The following ERFL variants were observed in gnomAD, a reference collection of about 807,000 sequenced individuals.
ERFL encodes the protein ETS domain-containing transcription factor ERF-like.
Under a neutral mutation model 27.9 loss-of-function variants are expected in ERFL, and 8 were observed. That is an observed-to-expected ratio of 0.29 (90% CI 0.17 to 0.52). The LOEUF (loss-of-function observed/expected upper bound fraction) is 0.52, where lower values mean the gene tolerates loss of function less well. ERFL is among the 20% of genes least tolerant of loss of function. The pLI is 0.97. For missense variants in ERFL, 294 were observed against 444.4 expected, an observed-to-expected ratio of 0.66 and a Z score of 3.04; for synonymous variants, 174 against 202.8, an observed-to-expected ratio of 0.86 and a Z score of 1.21.
chr19:41,912,293 CAG>C (rs1555851335), intron 2 of ERFL, among the ~76,000 whole-genome samples: 1 of 152,192 alleles, frequency 6.6e-6, no homozygotes, highest in East Asian at 1.9e-4. Flanking sequence ...TAACCAAGGA[CAG>C]AGTCTCTGTC....
At position 41,917,668 on chromosome 19, in the gene ERFL, C is replaced by T. The variant is rs1415045732; in HGVS notation, c.-13-4736G>A. Reference sequence around the variant, plus strand: ...CACACGCACGCACGCACACACACACCCTGACTGCACCCACCCATGGCCACA... The same window carrying T: ...CACACGCACGCACGCACACACACACTCTGACTGCACCCACCCATGGCCACA... On this transcript the variant is annotated intron_variant, in intron 1 of 5. Transcript: ENST00000597630. The surrounding 1 kb of genome is among the most constrained non-coding windows in gnomAD (Gnocchi z 4.8). Among the ~76,000 whole-genome samples, 4 of 151,854 alleles carry T rather than the reference C, an allele frequency of 2.6e-5. No homozygotes were observed. The highest frequency in any genetic ancestry group is 4.4e-5 in the Non-Finnish European group (3 of 67,954).
rs2074841452 is a variant in ERFL at position 41,921,368 on chromosome 19, G to A, written c.-14+6672C>T. 6.6e-6 allele frequency among the ~76,000 whole-genome samples: 1 copy of A among 152,154 alleles called. No individual in the cohort carries two copies. Among genetic ancestry groups the A allele is most frequent in the Non-Finnish European group, 1.5e-5 (1 of 68,016 alleles). ...TGAGACACGGAGGGAGATGGAGGGG[G>A]ATAGGCGGGACATGGGGAACCCCAC... is the stretch of plus-strand genomic sequence containing the variant. On this transcript the variant is annotated intron_variant, in intron 1 of 5. Transcript: ENST00000597630. This position sits in a 1 kb window ranked among gnomAD's most constrained non-coding sequence, Gnocchi z 4.4.
At chr19:41,915,856 C>T (rs1455375965) in intron 1 of ERFL, among the ~76,000 whole-genome samples, 2 of 152,216 alleles carry the variant, frequency 1.3e-5, no homozygotes, top group Non-Finnish European at 1.5e-5. Flanking sequence ...CAAACAGGGC[C>T]TGGCAGGACG....
intron 1 of ERFL, chr19:41,923,057 C>T (rs961158912): frequency 2.3e-6 from 1 of 431,968 alleles, no homozygotes; most frequent in Non-Finnish European, 4.7e-6. Context: ...GGAAGTTCAG[C>T]GCCCCCTCTG....
chr19:41,926,495 G>A (rs2074871103), intron 1 of ERFL, among the ~76,000 whole-genome samples: 1 of 152,124 alleles, frequency 6.6e-6, no homozygotes, highest in South Asian at 2.1e-4. Flanking sequence ...GTGTGACTCT[G>A]CCAGATGGTC....
chr19:41,924,967 G>A (rs2074862918), intron 1 of ERFL, among the ~76,000 whole-genome samples: 1 of 152,150 alleles, frequency 6.6e-6, no homozygotes, highest in Non-Finnish European at 1.5e-5. Flanking sequence ...TGTGCAGTGG[G>A]TTCCCAATGC....
Position 41,908,710 on chromosome 19 carries a change from C to T in ERFL, c.617-34G>A. On this transcript the variant is annotated intron_variant, in intron 5 of 5. Coordinates refer to ENST00000597630, the MANE Select transcript of ERFL (RefSeq NM_001365103.2). This position sits in a 1 kb window ranked among gnomAD's most constrained non-coding sequence, Gnocchi z 6.7. ...CACAGGGGTAGGTCAGGCTGGGGCA[C>T]CTGCCTGCCTGGGGACCAGTAAAGG... 8.6e-7 allele frequency: 1 copy of T among 1,161,680 alleles called. No homozygotes were observed. The highest frequency in any genetic ancestry group is 3.2e-5 in the East Asian group (1 of 31,416). The allele number at this position is 1,161,680 out of a possible 1,614,324, so 72.0% of individuals were successfully genotyped here. A position where few individuals can be genotyped will look rare whatever the true frequency, so the allele number is the denominator to read the frequency against.
In ERFL at chr19:41,908,619, G is replaced by A. The variant is rs2074733286; in HGVS notation, c.674C>T (p.Pro225Leu). ...GLLGPYGRAFPEYPWNFNPYL... is the reference protein window; with the variant it reads ...GLLGPYGRAFLEYPWNFNPYL... The stretch of plus-strand genomic sequence containing the variant: ...CGGGTTAAAGTTCCAGGGGTACTCA[G>A]GGAAGGCGCGGCCATAAGGACCCAG... Residue 225 changes from proline to leucine, a missense_variant, in exon 6 of 6, where the codon CCT (proline) becomes CTT (leucine). This residue lies in a region of ERFL where 246 missense variants were observed against 371.4 expected (regional missense o/e 0.66). Coordinates refer to ENST00000597630, the MANE Select transcript of ERFL (RefSeq NM_001365103.2). This position sits in a 1 kb window ranked among gnomAD's most constrained non-coding sequence, Gnocchi z 6.7. 1 of 1,231,618 alleles carries A rather than the reference G, an allele frequency of 8.1e-7. No homozygotes were observed. Among genetic ancestry groups the A allele is most frequent in the South Asian group, 4.1e-5 (1 of 24,320 alleles). 76.3% of individuals were successfully genotyped at this position (1,231,618 alleles called of 1,614,324 possible).
chr19:41,923,065 C>G (rs1555852765), intron 1 of ERFL: 1 of 444,384 alleles, frequency 2.3e-6, no homozygotes, highest in African/African-American at 2.0e-5. Context: ...AGCGCCCCCT[C>G]TGACCCAGGC....
chr19:41,920,576 G>C (rs558165653), intron 1 of ERFL, among the ~76,000 whole-genome samples: 2 of 151,586 alleles, frequency 1.3e-5, no homozygotes, highest in South Asian at 4.2e-4. Context: ...ACTCACAGAC[G>C]TGATGCACTC....
In ERFL at chr19:41,908,341, C is replaced by T. The variant is rs926245684; in HGVS notation, c.952G>A (p.Asp318Asn). ...ACGTCGGTGATCTCCAGCTCCGAGT[C>T]GCTGTCCTCCTTCCCACCAAGGGCA... is the stretch of plus-strand genomic sequence containing the variant. ...EAALGGKEDS[D>N]SELEITDVSG... The change falls in exon 6 of 6, where the codon GAC becomes AAC. Residue 318 changes from aspartate (D) to asparagine (N), a missense_variant. Physicochemically the swap from Asp to Asn is conservative, Grantham distance 23. Coordinates refer to ENST00000597630, the MANE Select transcript of ERFL (RefSeq NM_001365103.2). The surrounding 1 kb of genome is among the most constrained non-coding windows in gnomAD (Gnocchi z 6.7). 9.7e-6 allele frequency: 12 copies of T among 1,231,384 alleles called. No individual in the cohort carries two copies. In the Admixed American group the frequency reaches 3.0e-4, roughly 30 times the overall value. 76.3% of individuals were successfully genotyped at this position (1,231,384 alleles called of 1,614,324 possible). A position where few individuals can be genotyped will look rare whatever the true frequency, so the allele number is the denominator to read the frequency against.
chr19:41,918,913 C>T (rs923533880), intron 1 of ERFL, among the ~76,000 whole-genome samples: 4 of 150,770 alleles, frequency 2.7e-5, no homozygotes, highest in Admixed American at 2.0e-4. Context: ...CACACATACA[C>T]CACACACACA....
intron 1 of ERFL, among the ~76,000 whole-genome samples, chr19:41,918,602 C>T (rs373404631): frequency 6.7e-6 from 1 of 148,636 alleles, no homozygotes; most frequent in African/African-American, 2.5e-5. Flanking sequence ...CTACCCATCA[C>T]AGACAAACCA....
rs932487533 is a variant in ERFL at position 41,917,360 on chromosome 19, C to G, written c.-13-4428G>C. ...TGTCTCCTAACGCCCCATCACCACG[C>G]CCCCCTGGGCTGGGGTTTAACCAGT... On this transcript the variant is annotated intron_variant, in intron 1 of 5. Transcript: ENST00000597630. This position sits in a 1 kb window ranked among gnomAD's most constrained non-coding sequence, Gnocchi z 4.8. 6.6e-6 allele frequency among the ~76,000 whole-genome samples: 1 copy of G among 151,950 alleles called. No individual in the cohort carries two copies. The highest frequency in any genetic ancestry group is 6.6e-5 in the Admixed American group (1 of 15,258).
chr19:41,909,129 G>A lies in ERFL; in HGVS notation c.547C>T (p.Arg183Trp), dbSNP rs1555851051. 13 of 1,231,740 alleles carry A rather than the reference G, an allele frequency of 1.1e-5. No homozygotes were observed. The highest frequency in any genetic ancestry group is 8.2e-5 in the South Asian group (2 of 24,316). The allele number at this position is 1,231,740 out of a possible 1,614,324, so 76.3% of individuals were successfully genotyped here. A position where few individuals can be genotyped will look rare whatever the true frequency, so the allele number is the denominator to read the frequency against. Residue 183 changes from arginine (R) to tryptophan (W), a missense_variant, in exon 5 of 6, where the codon CGG (arginine) becomes TGG (tryptophan). By Grantham distance (101) the Arg-to-Trp change is moderately radical (BLOSUM62 -3). Transcript: ENST00000597630. This position sits in a 1 kb window ranked among gnomAD's most constrained non-coding sequence, Gnocchi z 5.2. ...SAPRLGEPGA[R>W]TPLFTSETDK... is the part of the protein sequence containing the mutation. ...GTCTCGGAGGTGAACAGGGGTGTCC[G>A]GGCCCCTGGCTCTCCCAGGCGTGGG... is the stretch of plus-strand genomic sequence containing the variant.
At chr19:41,919,512 T>TACACAC (rs60525805) in intron 1 of ERFL, among the ~76,000 whole-genome samples, 4,304 of 146,556 alleles carry the variant, frequency 0.029, 211 homozygotes, top group African/African-American at 0.095. Flanking sequence ...CGTGCACGCG[T>TACACAC]ACACACACAC....
rs1555851083 is a variant in ERFL, at chr19:41,909,462, G to T, written c.312C>A (p.Tyr104Ter). The T allele has an allele frequency of 1.6e-6, 2 of 1,242,070 alleles. No homozygotes were observed. The highest frequency in any genetic ancestry group is 2.0e-6 in the Non-Finnish European group (2 of 993,518). The allele number at this position is 1,242,070 out of a possible 1,614,324, so 76.9% of individuals were successfully genotyped here. A position where few individuals can be genotyped will look rare whatever the true frequency, so the allele number is the denominator to read the frequency against. The part of the protein sequence containing the change: ...DKLSRALRYY[Y>*]NKRILHKTKG... ...TGGTCTTGTGGAGAATCCGCTTGTTGTAGTAGTAACTGTGGGGAGAGTGGT... is the reference window on the plus strand; with the variant it reads ...TGGTCTTGTGGAGAATCCGCTTGTTTTAGTAGTAACTGTGGGGAGAGTGGT... Residue 104 changes from tyrosine (Y) to a stop codon, truncating the protein, a stop_gained, in exon 4 of 6, where the codon TAC becomes TAA. Transcript: ENST00000597630. LOFTEE classifies it high-confidence loss of function. The surrounding 1 kb of genome is among the most constrained non-coding windows in gnomAD (Gnocchi z 5.2).
chr19:41,907,959 A>C lies in ERFL; in HGVS notation c.*269T>G. ...GGGCGGGCGGGGCAGGCTGGGCGCC[A>C]TATTGCACTTTGGGAGTGGGGCCAG... On this transcript the variant is annotated 3_prime_UTR_variant, in exon 6 of 6. Coordinates refer to ENST00000597630, the MANE Select transcript of ERFL (RefSeq NM_001365103.2). 1 of 369,290 alleles carries C rather than the reference A, an allele frequency of 2.7e-6. No homozygotes were observed. 22.9% of individuals were successfully genotyped at this position (369,290 alleles called of 1,614,324 possible).
At chr19:41,926,431 T>G (rs2074870763) in intron 1 of ERFL, among the ~76,000 whole-genome samples, 1 of 152,018 alleles carries the variant, frequency 6.6e-6, no homozygotes, top group South Asian at 2.1e-4. Context: ...ATGTGACAGG[T>G]GCATTGATAG....
Sources: allele counts gnomAD v4.1 joint callset (sites outside exome capture counted in the v4.1 genomes callset), GRCh38; gene constraint gnomAD v4.1.1; regional missense constraint gnomAD v4.1.1; non-coding constraint Gnocchi (gnomAD v3.1); transcripts MANE v1.5; gene names NCBI Gene and HGNC (gene_info 2026-07-23, HGNC 2026-07-21).